The following MGMT variants were observed in gnomAD, a reference collection of about 807,000 sequenced individuals.
MGMT encodes the protein methylated-DNA--protein-cysteine methyltransferase.
MGMT carries 14 observed loss-of-function variants against 15.9 expected under a neutral mutation model. The observed-to-expected ratio is 0.88, with a 90% CI of 0.58 to 1.37. The LOEUF is 1.37. Ranked by LOEUF, MGMT falls within the 40% of genes most tolerant of loss-of-function variation. MGMT has a pLI of 0.00. For synonymous variants in MGMT, 130 were observed against 118.2 expected, an observed-to-expected ratio of 1.10 and a Z score of -0.65; for missense variants, 282 against 268.1, an observed-to-expected ratio of 1.05 and a Z score of -0.36.
At chr10:129,667,534 G>C (rs1322937228) in intron 2 of MGMT, among the ~76,000 whole-genome samples, 1 of 152,068 alleles carries the variant, frequency 6.6e-6, no homozygotes, top group African/African-American at 2.4e-5. Context: ...CACTCTGATG[G>C]ACATTTGGTA....
At chr10:129,675,829 G>A (rs1274390164) in intron 2 of MGMT, among the ~76,000 whole-genome samples, 1 of 152,184 alleles carries the variant, frequency 6.6e-6, no homozygotes, top group African/African-American at 2.4e-5. Context: ...GAACCATCGG[G>A]AAAAAGGGTG....
At chr10:129,619,307 A>C in intron 2 of MGMT, among the ~76,000 whole-genome samples, 1 of 152,164 alleles carries the variant, frequency 6.6e-6, no homozygotes, top group Non-Finnish European at 1.5e-5. Context: ...GATAAGTGCC[A>C]CTTGCTTTGA....
intron 2 of MGMT, among the ~76,000 whole-genome samples, chr10:129,635,628 A>G (rs1193151504): frequency 6.6e-6 from 1 of 152,258 alleles, no homozygotes; most frequent in Non-Finnish European, 1.5e-5. Context: ...TGTAAGATAC[A>G]TAATTTAAAG....
At chr10:129,580,148 G>A (rs577661380) in intron 2 of MGMT, among the ~76,000 whole-genome samples, 392 of 152,300 alleles carry the variant, frequency 2.6e-3, no homozygotes, top group Non-Finnish European at 2.4e-3. Context: ...GTGTGTTGCC[G>A]TCTCAGCAGG....
intron 2 of MGMT, among the ~76,000 whole-genome samples, chr10:129,702,849 C>T (rs141087157): frequency 2.5e-3 from 382 of 152,206 alleles, no homozygotes; most frequent in African/African-American, 8.8e-3. Context: ...CTACGGAGCC[C>T]GTAATTGTTA....
intron 1 of MGMT, among the ~76,000 whole-genome samples, chr10:129,489,761 ATT>A (rs1160163957): frequency 6.6e-6 from 1 of 151,820 alleles, no homozygotes; most frequent in Non-Finnish European, 1.5e-5. Context: ...CTAGGATTAG[ATT>A]TTTCTTTATG....
chr10:129,609,658 C>T (rs1846936394), intron 2 of MGMT, among the ~76,000 whole-genome samples: 1 of 152,184 alleles, frequency 6.6e-6, no homozygotes, highest in South Asian at 2.1e-4. Context: ...GCTGATACTT[C>T]CATTCGGGAG....
At chr10:129,668,739 A>G (rs1281743002) in intron 2 of MGMT, among the ~76,000 whole-genome samples, 2 of 152,232 alleles carry the variant, frequency 1.3e-5, no homozygotes, top group African/African-American at 2.4e-5. Context: ...TTCCATTAGT[A>G]TATAAATGAA....
At position 129,489,487 on chromosome 10, in the gene MGMT, C is replaced by G. The variant is rs558402384; in HGVS notation, c.-13+22191C>G. Among the ~76,000 whole-genome samples, 148 of 151,628 alleles carry G rather than the reference C, an allele frequency of 9.8e-4. 1 individual carries two copies. The South Asian group carries it at 0.029, about 30-fold the overall frequency. On this transcript the variant is annotated intron_variant, in intron 1 of 4. Transcript: ENST00000651593. ...TCATCCATTCGCATTTCACAATGAGCTTGTCACATTCTTAGACTAACCTGT... is the reference window on the plus strand; with the variant it reads ...TCATCCATTCGCATTTCACAATGAGGTTGTCACATTCTTAGACTAACCTGT...
At chr10:129,576,487 C>G (rs1084700) in intron 2 of MGMT, among the ~76,000 whole-genome samples, 60,202 of 151,954 alleles carry the variant, frequency 0.4, 12,748 homozygotes, top group East Asian at 0.62. Context: ...ATTCAACAAC[C>G]CTTCATGCTA....
chr10:129,641,105 C>T (rs1462737748), intron 2 of MGMT, among the ~76,000 whole-genome samples: 1 of 152,162 alleles, frequency 6.6e-6, no homozygotes, highest in Non-Finnish European at 1.5e-5. Flanking sequence ...GCATGATTGT[C>T]TATACAGAAA....
chr10:129,662,169 A>G (rs1200435030), intron 2 of MGMT, among the ~76,000 whole-genome samples: 1 of 152,202 alleles, frequency 6.6e-6, no homozygotes, highest in Non-Finnish European at 1.5e-5. Context: ...CAGAACAGGG[A>G]TAATAAAAAT....
intron 2 of MGMT, among the ~76,000 whole-genome samples, chr10:129,612,394 G>A (rs1175096514): frequency 6.6e-6 from 1 of 152,218 alleles, no homozygotes; most frequent in Non-Finnish European, 1.5e-5. Flanking sequence ...AGTCTCTCAG[G>A]TTACATTTTG....
At chr10:129,651,089 C>T (rs1422338781) in intron 2 of MGMT, among the ~76,000 whole-genome samples, 2 of 152,184 alleles carry the variant, frequency 1.3e-5, no homozygotes, top group Non-Finnish European at 2.9e-5. Flanking sequence ...TGTATTTGCT[C>T]CCACATGCTG....
chr10:129,616,209 C>T (rs562514292), intron 2 of MGMT, among the ~76,000 whole-genome samples: 1 of 152,340 alleles, frequency 6.6e-6, no homozygotes, highest in South Asian at 2.1e-4. Context: ...TCCCACCTGG[C>T]TCACATACTC....
intron 2 of MGMT, among the ~76,000 whole-genome samples, chr10:129,561,257 G>A (rs183615834): frequency 1.6e-4 from 24 of 152,234 alleles, no homozygotes; most frequent in African/African-American, 4.6e-4. Flanking sequence ...CCTGTGTCAC[G>A]ATGGGGAAGG....
At chr10:129,759,447 G>A (rs1848846224) in intron 4 of MGMT, 106 bp downstream of exon 4, 2 of 1,535,846 alleles carry the variant, frequency 1.3e-6, no homozygotes, top group East Asian at 2.3e-5. Context: ...GTGCTGCTGG[G>A]GTGGGCAGAG....
At chr10:129,671,253 G>A (rs1000927942) in intron 2 of MGMT, among the ~76,000 whole-genome samples, 1 of 152,190 alleles carries the variant, frequency 6.6e-6, no homozygotes, top group Non-Finnish European at 1.5e-5. Flanking sequence ...ATACCTTGGA[G>A]GCCATTTTTA....
chr10:129,616,923 G>T (rs548821824), intron 2 of MGMT, among the ~76,000 whole-genome samples: 1 of 152,102 alleles, frequency 6.6e-6, no homozygotes, highest in African/African-American at 2.4e-5. Context: ...CTGAGCTTCT[G>T]CCCCTTTATT....
Sources: gnomAD v4.1 joint callset for allele counts (sites outside exome capture counted in the v4.1 genomes callset) on GRCh38, gnomAD v4.1.1 for gene constraint, MANE v1.5 for transcripts, NCBI Gene and HGNC (gene_info 2026-07-23, HGNC 2026-07-21) for gene names.